Variants in NXPE1 observed in about 807,000 individuals in gnomAD.
NXPE1 encodes the protein NXPE family member 1.
Under a neutral mutation model 33.3 loss-of-function variants are expected in NXPE1, and 31 were observed. That is an observed-to-expected ratio of 0.93 (90% confidence interval 0.70 to 1.26). NXPE1 has a LOEUF of 1.26. NXPE1 is among the 50% of genes most tolerant of loss of function. The probability of loss-of-function intolerance (pLI) is 0.00; values close to 1 mark genes in which losing one functional copy is unlikely to be tolerated. For missense variants in NXPE1, 661 were observed against 655.6 expected (o/e 1.01, Z -0.09); for synonymous variants, 229 against 231.4 (o/e 0.99, Z 0.09).
intron 6 of NXPE1, chr11:114,529,923 CTT>C: frequency 2.3e-6 from 1 of 439,826 alleles, no homozygotes; most frequent in East Asian, 3.6e-5. Context: ...ATCAAGGAAT[CTT>C]TTTTTCAGTG....
At chr11:114,546,347 T>A (rs1177672110) in intron 5 of NXPE1, among the ~76,000 whole-genome samples, 1 of 152,114 alleles carries the variant, frequency 6.6e-6, no homozygotes, top group Non-Finnish European at 1.5e-5. Flanking sequence ...TAGTGATAGA[T>A]GAGAGAAATA....
chr11:114,538,401 A>G (rs902288458), intron 5 of NXPE1, among the ~76,000 whole-genome samples: 5 of 152,188 alleles, frequency 3.3e-5, no homozygotes, highest in African/African-American at 1.2e-4. Context: ...ACCAAAAGCA[A>G]TGGCAACAAA....
At chr11:114,554,303 G>T in intron 1 of NXPE1, 1 of 982,436 alleles carries the variant, frequency 1.0e-6, no homozygotes, top group Non-Finnish European at 1.2e-6. Flanking sequence ...CAGAGGCCAT[G>T]TGTGCCATAC....
chr11:114,538,694 C>T (rs1416660638), intron 5 of NXPE1, among the ~76,000 whole-genome samples: 1 of 152,186 alleles, frequency 6.6e-6, no homozygotes, highest in East Asian at 1.9e-4. Context: ...TGCTCATCAT[C>T]ACTGGCCATC....
intron 7 of NXPE1, among the ~76,000 whole-genome samples, chr11:114,524,892 T>C (rs1357808524): frequency 1.3e-5 from 2 of 152,342 alleles, no homozygotes; most frequent in African/African-American, 4.8e-5. Flanking sequence ...GGATTCTGTA[T>C]ATCAGGCAAA....
chr11:114,523,860 C>T (rs1232594048), intron 7 of NXPE1, among the ~76,000 whole-genome samples: 1 of 152,216 alleles, frequency 6.6e-6, no homozygotes, highest in Non-Finnish European at 1.5e-5. Flanking sequence ...TATATCAGGA[C>T]TTCTATACTG....
At chr11:114,527,814 C>T (rs1349087140) in intron 7 of NXPE1, 26 bp downstream of exon 7, 3 of 1,560,890 alleles carry the variant, frequency 1.9e-6, no homozygotes, top group African/African-American at 1.4e-5. Flanking sequence ...CTGAGCATCA[C>T]CTAACTCAGG....
At chr11:114,538,514 T>C (rs1251747694) in intron 5 of NXPE1, among the ~76,000 whole-genome samples, 6 of 151,982 alleles carry the variant, frequency 3.9e-5, no homozygotes, top group Non-Finnish European at 7.4e-5. Flanking sequence ...GGGAGAAAAT[T>C]TTTGCAACCT....
At chr11:114,531,016 CAATTT>C (rs941648565) in intron 5 of NXPE1, 108 bp from the exon 6 acceptor site, 2 of 1,157,724 alleles carry the variant, frequency 1.7e-6, no homozygotes, top group African/African-American at 3.1e-5. Context: ...TAATTGAATT[CAATTT>C]GTTACCAAAT....
intron 5 of NXPE1, among the ~76,000 whole-genome samples, chr11:114,534,629 G>A (rs554369230): frequency 2.0e-5 from 3 of 152,306 alleles, no homozygotes; most frequent in South Asian, 4.1e-4. Context: ...CGAGAGCTAC[G>A]TGACAAATGC....
At chr11:114,537,549 A>T (rs183414005) in intron 5 of NXPE1, among the ~76,000 whole-genome samples, 3 of 152,298 alleles carry the variant, frequency 2.0e-5, no homozygotes, top group Admixed American at 6.5e-5. Flanking sequence ...CTCAGCCCCA[A>T]ATCTCCTCAA....
At chr11:114,525,582 T>A (rs1464394266) in intron 7 of NXPE1, among the ~76,000 whole-genome samples, 4 of 152,094 alleles carry the variant, frequency 2.6e-5, no homozygotes, top group Non-Finnish European at 5.9e-5. Flanking sequence ...CCCTTACTAT[T>A]CTTAAAATTA....
At chr11:114,546,895 A>C (rs1364641859) in intron 5 of NXPE1, among the ~76,000 whole-genome samples, 1 of 152,224 alleles carries the variant, frequency 6.6e-6, no homozygotes, top group Non-Finnish European at 1.5e-5. Flanking sequence ...TTGAGTAACA[A>C]AATAATGTAC....
At chr11:114,555,252 C>T (rs1565319355) in intron 1 of NXPE1, among the ~76,000 whole-genome samples, 1 of 151,884 alleles carries the variant, frequency 6.6e-6, no homozygotes, top group African/African-American at 2.4e-5. Context: ...GAGATGGAGT[C>T]TTGCTCTGTT....
At chr11:114,557,443 C>G (rs1948677349) in intron 1 of NXPE1, among the ~76,000 whole-genome samples, 1 of 151,584 alleles carries the variant, frequency 6.6e-6, no homozygotes, top group Non-Finnish European at 1.5e-5. Flanking sequence ...TCAGGCATTT[C>G]AGTTCTAGAA....
At chr11:114,542,689 G>A (rs553125221) in intron 5 of NXPE1, among the ~76,000 whole-genome samples, 1 of 151,962 alleles carries the variant, frequency 6.6e-6, no homozygotes, top group Non-Finnish European at 1.5e-5. Flanking sequence ...GGGCAAAAGA[G>A]GTTTATAGTT....
At chr11:114,559,861 T>C (rs1948737614) in exon 1 of NXPE1, 1 of 152,396 alleles carries the variant, frequency 6.6e-6, no homozygotes, top group South Asian at 2.1e-4. Context: ...TAACTGGCTC[T>C]TGTGGCTGTG....
intron 5 of NXPE1, among the ~76,000 whole-genome samples, chr11:114,550,184 T>G (rs1328437528): frequency 6.6e-6 from 1 of 152,152 alleles, no homozygotes; most frequent in Non-Finnish European, 1.5e-5. Flanking sequence ...AACAATGTCC[T>G]AAATATCTTC....
intron 8 of NXPE1, 79 bp from the exon 9 acceptor site, chr11:114,522,582 A>G (rs905216442): frequency 1.1e-5 from 14 of 1,239,218 alleles, no homozygotes; most frequent in Non-Finnish European, 1.5e-5. Flanking sequence ...ATCATTTAAA[A>G]TACCCACCCT....
Sources: gnomAD v4.1 joint callset for allele counts (sites outside exome capture counted in the v4.1 genomes callset) on GRCh38, gnomAD v4.1.1 for gene constraint, MANE v1.5 for transcripts, NCBI Gene and HGNC (gene_info 2026-07-23, HGNC 2026-07-21) for gene names.